Variants in HSF2BP observed in about 807,000 individuals in gnomAD.
HSF2BP encodes the protein heat shock factor 2-binding protein.
A neutral mutation model predicts 35.0 loss-of-function variants in HSF2BP; 35 were observed. The observed-to-expected ratio is 1.00, with a 90% CI of 0.76 to 1.32. HSF2BP has a LOEUF of 1.32. Ranked by LOEUF, HSF2BP falls within the 40% of genes most tolerant of loss-of-function variation. The pLI is 0.00. For missense variants in HSF2BP, 326 were observed against 321.7 expected, an observed-to-expected ratio of 1.01 and a Z score of -0.10; for synonymous variants, 114 against 117.4, an observed-to-expected ratio of 0.97 and a Z score of 0.18.
intron 6 of HSF2BP, among the ~76,000 whole-genome samples, chr21:43,623,096 G>A (rs2082349806): frequency 6.6e-6 from 1 of 151,820 alleles, no homozygotes; most frequent in Admixed American, 6.6e-5. Context: ...GGGCCACTAT[G>A]CCCAGCTCAG....
At chr21:43,632,237 ACACACACACACACACACTCCCC>A (rs2082481172) in intron 5 of HSF2BP, among the ~76,000 whole-genome samples, 4 of 88,990 alleles carry the variant, frequency 4.5e-5, no homozygotes, top group African/African-American at 2.1e-4. Context: ...ACACAGGCTC[ACACACACACACACACACTCCCC>A]CACACACACG....
At chr21:43,535,734 TAA>T (rs752977319) in intron 8 of HSF2BP, among the ~76,000 whole-genome samples, 25 of 2,232 alleles carry the variant, frequency 0.011, 5 homozygotes, top group Middle Eastern at 0.17. Flanking sequence ...TAAAATAAAA[TAA>T]AATAAAATAA....
At chr21:43,652,693 C>T (rs2082805554) in intron 3 of HSF2BP, among the ~76,000 whole-genome samples, 1 of 152,132 alleles carries the variant, frequency 6.6e-6, no homozygotes, top group Non-Finnish European at 1.5e-5. Context: ...ATGGTAAAAA[C>T]TCAAAAGCCA....
intron 6 of HSF2BP, among the ~76,000 whole-genome samples, chr21:43,629,111 C>G (rs951388516): frequency 2.6e-5 from 4 of 152,158 alleles, no homozygotes; most frequent in African/African-American, 9.7e-5. Context: ...TTCTTCAGCT[C>G]ATATATCAAA....
At chr21:43,600,978 G>A (rs1016254703) in intron 7 of HSF2BP, among the ~76,000 whole-genome samples, 1 of 152,132 alleles carries the variant, frequency 6.6e-6, no homozygotes, top group African/African-American at 2.4e-5. Flanking sequence ...GATTTCTATA[G>A]CTCCAACCTA....
chr21:43,596,904 A>ACGAG (rs1555859798), intron 7 of HSF2BP, among the ~76,000 whole-genome samples: 1 of 136,016 alleles, frequency 7.4e-6, no homozygotes, highest in Non-Finnish European at 1.5e-5. Context: ...AAAAAAAAAA[A>ACGAG]AGAGAATTTT....
intron 3 of HSF2BP, among the ~76,000 whole-genome samples, chr21:43,655,883 T>C (rs1021436671): frequency 5.3e-5 from 8 of 152,190 alleles, no homozygotes; most frequent in African/African-American, 1.7e-4. Context: ...GTGAGCTATC[T>C]TCTTGTCTGG....
chr21:43,591,473 G>A (rs1380087729), intron 8 of HSF2BP, among the ~76,000 whole-genome samples: 1 of 152,140 alleles, frequency 6.6e-6, no homozygotes, highest in African/African-American at 2.4e-5. Context: ...GTGTTGTAGG[G>A]ACACCAGTAA....
intron 7 of HSF2BP, among the ~76,000 whole-genome samples, chr21:43,595,223 C>G (rs2081970364): frequency 6.6e-6 from 1 of 152,114 alleles, no homozygotes; most frequent in Non-Finnish European, 1.5e-5. Context: ...GATCGCACCA[C>G]TGCATTCCAG....
intron 4 of HSF2BP, among the ~76,000 whole-genome samples, chr21:43,642,194 AAATT>A (rs894664888): frequency 3.9e-5 from 6 of 152,054 alleles, no homozygotes; most frequent in African/African-American, 1.2e-4. Context: ...TAAAAAATAA[AAATT>A]AATTAATTAA....
intron 8 of HSF2BP, among the ~76,000 whole-genome samples, chr21:43,586,391 G>C (rs140910237): frequency 6.3e-4 from 96 of 152,302 alleles, no homozygotes; most frequent in African/African-American, 2.3e-3. Context: ...ATACTTGAAA[G>C]TAACCTGCCA....
At chr21:43,629,064 A>C (rs2082422897) in intron 6 of HSF2BP, among the ~76,000 whole-genome samples, 1 of 152,226 alleles carries the variant, frequency 6.6e-6, no homozygotes, top group South Asian at 2.1e-4. Flanking sequence ...GTACAAGGAA[A>C]GTAATGTTGA....
intron 4 of HSF2BP, among the ~76,000 whole-genome samples, chr21:43,639,736 A>G (rs1039848088): frequency 1.3e-5 from 2 of 152,246 alleles, no homozygotes; most frequent in Non-Finnish European, 2.9e-5. Flanking sequence ...AATTTCTTCC[A>G]AAACTAAATG....
In HSF2BP at chr21:43,626,868, T is replaced by A. The variant is rs117969324; in HGVS notation, c.574+3454A>T. Reference sequence around the variant, plus strand: ...TTCCACCTCTTTCTATACCAAGAAATTTTTTTTTTTTTTTTAAGAGACGGA... The same window carrying A: ...TTCCACCTCTTTCTATACCAAGAAAATTTTTTTTTTTTTTTAAGAGACGGA... On this transcript the variant is annotated intron_variant, in intron 6 of 8. Coordinates refer to ENST00000291560, the MANE Select transcript of HSF2BP (RefSeq NM_007031.2). Among the ~76,000 whole-genome samples, 58 of 29,712 alleles carry A rather than the reference T, an allele frequency of 2.0e-3. No homozygotes were observed. The East Asian group carries it at 0.063, about 32-fold the overall frequency. The allele number at this position is 29,712 out of a possible 152,430, so 19.5% of individuals were successfully genotyped here. A position where few individuals can be genotyped will look rare whatever the true frequency, so the allele number is the denominator to read the frequency against.
chr21:43,585,683 G>T (rs965131512), intron 8 of HSF2BP, among the ~76,000 whole-genome samples: 5 of 152,008 alleles, frequency 3.3e-5, no homozygotes, highest in African/African-American at 1.2e-4. Context: ...GTGCTAGCTG[G>T]TGATCAGATT....
intron 8 of HSF2BP, among the ~76,000 whole-genome samples, chr21:43,584,995 A>ATTATTTATTTATTTAT (rs557734689): frequency 0.02 from 2,968 of 151,582 alleles, 88 homozygotes; most frequent in African/African-American, 0.068. Context: ...ATTTTATTTA[A>ATTATTTATTTATTTAT]TTATTTATTT....
chr21:43,631,723 C>T (rs576363509), intron 5 of HSF2BP, among the ~76,000 whole-genome samples: 1 of 152,246 alleles, frequency 6.6e-6, no homozygotes, highest in South Asian at 2.1e-4. Context: ...ATGACATTAA[C>T]TCTCCACTGT....
chr21:43,603,176 C>A (rs1169702979), intron 7 of HSF2BP, among the ~76,000 whole-genome samples: 1 of 152,156 alleles, frequency 6.6e-6, no homozygotes, highest in Non-Finnish European at 1.5e-5. Flanking sequence ...ATGGAAACGC[C>A]AGGGTCATGT....
rs564481600 is a variant in HSF2BP at position 43,576,917 on chromosome 21, A to G, written c.796+15308T>C. ...GAAATTGTCATTTTCATTGGTCTAA[A>G]GTGGATAAACACTGGCAATTTCATG... On this transcript the variant is annotated intron_variant, in intron 8 of 8. Coordinates refer to ENST00000291560, the MANE Select transcript of HSF2BP (RefSeq NM_007031.2). Among the ~76,000 whole-genome samples the G allele has an allele frequency of 3.9e-5, 6 of 152,350 alleles. No individual in the cohort carries two copies. The South Asian group carries it at 1.2e-3, about 32-fold the overall frequency.
Sources: allele counts gnomAD v4.1 joint callset (sites outside exome capture counted in the v4.1 genomes callset), GRCh38; gene constraint gnomAD v4.1.1; transcripts MANE v1.5; gene names NCBI Gene and HGNC (gene_info 2026-07-23, HGNC 2026-07-21).